SRPX: variants seen among roughly 807,000 people sequenced by gnomAD.
SRPX encodes the protein sushi repeat containing protein X-linked, also known as sushi repeat-containing protein SRPX.
SRPX carries 24 observed loss-of-function variants against 38.1 expected under a neutral mutation model. The ratio of observed to expected loss-of-function variants is 0.63; its 90% CI spans 0.46 to 0.89. SRPX has a LOEUF of 0.89. SRPX is among the 40% of genes least tolerant of loss of function. SRPX has a pLI of 0.00. For synonymous variants in SRPX, 184 were observed against 153.8 expected (o/e 1.20, Z -1.45); for missense variants, 416 against 377.8 (o/e 1.10, Z -0.84).
At chrX:38,169,544 T>C (rs1188220957) in intron 4 of SRPX, among the ~76,000 whole-genome samples, 25 of 112,564 alleles carry the variant, frequency 2.2e-4, no homozygotes, top group African/African-American at 7.4e-4. Flanking sequence ...AAAATATTTT[T>C]TCCTTGATAG....
intron 1 of SRPX, among the ~76,000 whole-genome samples, chrX:38,218,018 G>A (rs769869410): frequency 2.7e-5 from 3 of 111,978 alleles, no homozygotes; most frequent in Admixed American, 9.4e-5. Context: ...GCCTGTTCCC[G>A]GTGACACCTT....
At position 38,220,869 on chromosome X, in the gene SRPX, A is replaced by G; in HGVS notation, c.-77T>C. On this transcript the variant is annotated 5_prime_UTR_variant, in exon 1 of 10. Coordinates refer to ENST00000378533, the MANE Select transcript of SRPX (RefSeq NM_006307.5). ...GGCAGGAGACCGAAGAGACCAAGGG[A>G]CTGCGTGCTAGCGGGCGGGCGAAGG... 5.7e-6 allele frequency: 6 copies of G among 1,044,220 alleles called. No individual in the cohort carries two copies. The highest frequency in any genetic ancestry group is 7.3e-6 in the Non-Finnish European group (6 of 820,971). 86.1% of individuals were successfully genotyped at this position (1,044,220 alleles called of 1,213,427 possible). A position where few individuals can be genotyped will look rare whatever the true frequency, so the allele number is the denominator to read the frequency against.
At chrX:38,162,509 G>A (rs1161391319) in intron 5 of SRPX, among the ~76,000 whole-genome samples, 1 of 112,496 alleles carries the variant, frequency 8.9e-6, no homozygotes, top group Admixed American at 9.4e-5. Flanking sequence ...ATACTGAGAT[G>A]CTGTTTTAAA....
Position 38,178,409 on chromosome X carries a change from G to A in SRPX, c.98-65C>T, listed in dbSNP as rs912430942. The A allele has an allele frequency of 1.6e-5, 16 of 973,380 alleles. No individual in the cohort carries two copies. The African/African-American group carries it at 1.7e-4, about 10-fold the overall frequency. The allele number at this position is 973,380 out of a possible 1,213,427, so 80.2% of individuals were successfully genotyped here. A position where few individuals can be genotyped will look rare whatever the true frequency, so the allele number is the denominator to read the frequency against. ...ACATAGTATGGACGCATATTTCAAA[G>A]CATTCCTTTGCCACAGACCATGCAG... is the stretch of plus-strand genomic sequence containing the variant. On this transcript the variant is annotated intron_variant, in intron 1 of 9. Transcript: ENST00000378533.
intron 5 of SRPX, 79 bp from the exon 6 acceptor site, chrX:38,161,133 G>A: frequency 1.8e-6 from 2 of 1,088,532 alleles, no homozygotes. Flanking sequence ...ACTCTTTACA[G>A]GACATGGAGA....
intron 5 of SRPX, among the ~76,000 whole-genome samples, chrX:38,163,389 C>T (rs1051641197): frequency 8.9e-6 from 1 of 111,934 alleles, no homozygotes; most frequent in Admixed American, 9.5e-5. Flanking sequence ...TTATGGATCA[C>T]CAGGAGATAA....
intron 1 of SRPX, among the ~76,000 whole-genome samples, chrX:38,216,525 G>A (rs938803901): frequency 8.0e-5 from 9 of 112,557 alleles, no homozygotes; most frequent in East Asian, 2.8e-4. Context: ...GCCCATAAAA[G>A]TTAGCAGTTA....
intron 1 of SRPX, among the ~76,000 whole-genome samples, chrX:38,193,277 C>T (rs772033230): frequency 7.3e-4 from 82 of 111,879 alleles, no homozygotes; most frequent in Middle Eastern, 4.7e-3. Flanking sequence ...CACTATTTTG[C>T]AGCCCTAACA....
chrX:38,190,800 A>G (rs1938887187), intron 1 of SRPX, among the ~76,000 whole-genome samples: 1 of 111,891 alleles, frequency 8.9e-6, no homozygotes, highest in African/African-American at 3.3e-5. Flanking sequence ...CCTCTCAAAG[A>G]AAGAAGAGCC....
At chrX:38,155,270 G>C (rs767687873) in intron 8 of SRPX, among the ~76,000 whole-genome samples, 1 of 112,692 alleles carries the variant, frequency 8.9e-6, no homozygotes, top group Non-Finnish European at 1.9e-5. Flanking sequence ...AGAACTGGTT[G>C]AAAAGTTTAA....
At chrX:38,178,677 C>T (rs867990533) in intron 1 of SRPX, among the ~76,000 whole-genome samples, 1 of 111,610 alleles carries the variant, frequency 9.0e-6, no homozygotes, top group Middle Eastern at 4.6e-3. Flanking sequence ...AGGGGAGATG[C>T]AATAAAATGT....
At chrX:38,191,371 T>C (rs746029835) in intron 1 of SRPX, among the ~76,000 whole-genome samples, 3 of 112,158 alleles carry the variant, frequency 2.7e-5, no homozygotes, top group Non-Finnish European at 5.6e-5. Context: ...CTTAACACTT[T>C]AAAATTAAAT....
chrX:38,161,251 T>G (rs777473913), intron 5 of SRPX, among the ~76,000 whole-genome samples, 197 bp from the exon 6 acceptor site: 38 of 110,780 alleles, frequency 3.4e-4, no homozygotes, highest in South Asian at 1.2e-3. Flanking sequence ...GACCAGAAAA[T>G]GGAAGACCCA....
chrX:38,220,458 G>A (rs752456236), intron 1 of SRPX, among the ~76,000 whole-genome samples: 1 of 113,892 alleles, frequency 8.8e-6, no homozygotes, highest in South Asian at 3.5e-4. Flanking sequence ...AAGGTGCTAG[G>A]GCTCCCGTCG....
chrX:38,187,710 T>G (rs1938813399), intron 1 of SRPX, among the ~76,000 whole-genome samples: 1 of 112,189 alleles, frequency 8.9e-6, no homozygotes, highest in Non-Finnish European at 1.9e-5. Flanking sequence ...ACATTTCTAG[T>G]GACAGAAATG....
chrX:38,197,194 T>C (rs1013310950), intron 1 of SRPX, among the ~76,000 whole-genome samples: 3 of 112,152 alleles, frequency 2.7e-5, no homozygotes, highest in Non-Finnish European at 5.6e-5. Flanking sequence ...CATGAAGTCT[T>C]GTATTTCTCT....
chrX:38,202,935 T>G (rs1180997486), intron 1 of SRPX, among the ~76,000 whole-genome samples: 1 of 112,160 alleles, frequency 8.9e-6, no homozygotes, highest in East Asian at 2.8e-4. Context: ...AAGGCTAGCA[T>G]TACTCTGATG....
At chrX:38,169,939 T>C (rs1445754201) in intron 4 of SRPX, among the ~76,000 whole-genome samples, 1 of 112,474 alleles carries the variant, frequency 8.9e-6, no homozygotes, top group Admixed American at 9.4e-5. Context: ...GTTTATTTTC[T>C]TCCAGATCAA....
chrX:38,160,839 C>T, intron 6 of SRPX, 94 bp downstream of exon 6: 1 of 1,072,472 alleles, frequency 9.3e-7, no homozygotes, highest in Non-Finnish European at 1.3e-6. Flanking sequence ...TCTCCCACCA[C>T]AGTAGGCACT....
Sources: allele counts gnomAD v4.1 joint callset (sites outside exome capture counted in the v4.1 genomes callset), GRCh38; gene constraint gnomAD v4.1.1; transcripts MANE v1.5; gene names NCBI Gene and HGNC (gene_info 2026-07-23, HGNC 2026-07-21).